Variants in ORAI2 observed in about 807,000 individuals in gnomAD.
The protein encoded by ORAI2 is protein orai-2.
ORAI2 carries 10 observed loss-of-function variants against 16.2 expected under a neutral mutation model. The ratio of observed to expected loss-of-function variants is 0.62; its 90% CI spans 0.38 to 1.04. The LOEUF (loss-of-function observed/expected upper bound fraction) is 1.04, where lower values mean the gene tolerates loss of function less well. ORAI2 is among the 50% of genes least tolerant of loss of function. The probability of loss-of-function intolerance (pLI) is 0.01; values close to 1 mark genes in which losing one functional copy is unlikely to be tolerated. For synonymous variants in ORAI2, 150 were observed against 157.5 expected (o/e 0.95, Z 0.35); for missense variants, 238 against 355.5 (o/e 0.67, Z 2.66).
Position 102,446,875 on chromosome 7 carries a change from C to T in ORAI2, c.588C>T (p.Ala196=), listed in dbSNP as rs1404917358. 10 of 1,613,506 alleles carry T rather than the reference C, an allele frequency of 6.2e-6. No homozygotes were observed. Among genetic ancestry groups the T allele is most frequent in the South Asian group, 2.2e-5 (2 of 91,076 alleles). ...CTGGGAGTCACACGGGCTGGCAGGC[C>T]GCCCTGGTGTCCACCATCATCATGG... The part of the protein sequence containing the change: ...PGPGSHTGWQ[A]ALVSTIIMVP... Residue 196 remains alanine (A), a synonymous_variant, in exon 4 of 4, where the codon GCC becomes GCT. Coordinates refer to ENST00000495936, the MANE Select transcript of ORAI2 (RefSeq NM_001126340.3).
Position 102,439,024 on chromosome 7 carries a change from G to A in ORAI2, c.68G>A (p.Gly23Asp), listed in dbSNP as rs145092754. The change falls in exon 3 of 4, where the codon GGC becomes GAC. Residue 23 changes from glycine (G) to aspartate (D), a missense_variant. Coordinates refer to ENST00000495936, the MANE Select transcript of ORAI2 (RefSeq NM_001126340.3). The part of the protein sequence containing the change: ...APACPEPGHK[G>D]MDYRDWVRRS... ...GCCTGCCCTGAGCCCGGCCATAAGG[G>A]CATGGATTACCGGGACTGGGTCCGC... 2 of 1,614,028 alleles carry A rather than the reference G, an allele frequency of 1.2e-6. No homozygotes were observed. The highest frequency in any genetic ancestry group is 1.7e-6 in the Non-Finnish European group (2 of 1,180,046).
At position 102,451,746 on chromosome 7, in the gene ORAI2, G is replaced by A. The variant is rs1233070946; in HGVS notation, c.*4694G>A. 2.0e-5 allele frequency: 3 copies of A among 152,286 alleles called. No homozygotes were observed. Among genetic ancestry groups the A allele is most frequent in the African/African-American group, 7.2e-5 (3 of 41,466 alleles). The allele number at this position is 152,286 out of a possible 1,614,324, so 9.4% of individuals were successfully genotyped here. On this transcript the variant is annotated 3_prime_UTR_variant, in exon 4 of 4. Transcript: ENST00000495936. ...CTCCTGGAGCGCCCTCTGGCCTCCTGTCGCTGGTCACTGGCCAGTGTCCTC... is the reference window on the plus strand; with the variant it reads ...CTCCTGGAGCGCCCTCTGGCCTCCTATCGCTGGTCACTGGCCAGTGTCCTC...
chr7:102,437,803 C>G (rs1797098343), intron 2 of ORAI2, among the ~76,000 whole-genome samples: 1 of 152,158 alleles, frequency 6.6e-6, no homozygotes, highest in South Asian at 2.1e-4. Context: ...GTAATCCCAG[C>G]ACTTTGGGAG....
chr7:102,436,543 T>C (rs1797062777), intron 2 of ORAI2, among the ~76,000 whole-genome samples: 1 of 152,008 alleles, frequency 6.6e-6, no homozygotes, highest in South Asian at 2.1e-4. Flanking sequence ...GTTTGGGGCA[T>C]TTCCTCAGCT....
rs1250900354 is a variant in ORAI2, at chr7:102,450,166, C to T, written c.*3114C>T. Reference sequence around the variant, plus strand: ...AAAATATGATTGTACCACTGCACTCCAGCCTGGGTGACAGAGTGAGACCCT... The same window carrying T: ...AAAATATGATTGTACCACTGCACTCTAGCCTGGGTGACAGAGTGAGACCCT... On this transcript the variant is annotated 3_prime_UTR_variant, in exon 4 of 4. Transcript: ENST00000495936. The T allele has an allele frequency of 6.6e-6, 1 of 151,540 alleles. No individual in the cohort carries two copies. Among genetic ancestry groups the T allele is most frequent in the African/African-American group, 2.4e-5 (1 of 41,214 alleles). 9.4% of individuals were successfully genotyped at this position (151,540 alleles called of 1,614,324 possible).
intron 3 of ORAI2, among the ~76,000 whole-genome samples, chr7:102,445,286 T>G (rs892387054): frequency 1.8e-4 from 24 of 136,094 alleles, no homozygotes; most frequent in African/African-American, 6.5e-4. Flanking sequence ...AAAGGTCAGT[T>G]TCCGTTTTTT....
intron 3 of ORAI2, among the ~76,000 whole-genome samples, chr7:102,443,172 C>T (rs559370341): frequency 2.4e-4 from 35 of 144,430 alleles, no homozygotes; most frequent in Non-Finnish European, 4.8e-4. Context: ...CGTTTTGTTG[C>T]CTGGGCTGGT....
In ORAI2 at chr7:102,452,125, C is replaced by T. The variant is rs1027565577; in HGVS notation, c.*5073C>T. The T allele has an allele frequency of 6.6e-6, 1 of 151,792 alleles. No homozygotes were observed. The highest frequency in any genetic ancestry group is 6.6e-5 in the Admixed American group (1 of 15,218). The allele number at this position is 151,792 out of a possible 1,614,324, so 9.4% of individuals were successfully genotyped here. On this transcript the variant is annotated 3_prime_UTR_variant, in exon 4 of 4. Transcript: ENST00000495936. ...CGGGCTGGTGGCACTGCTAAGGAAG[C>T]ACCAGACAGCCTTTTTTTTTTTTTT... is the stretch of plus-strand genomic sequence containing the variant.
At chr7:102,445,864 C>G (rs1236076132) in intron 3 of ORAI2, among the ~76,000 whole-genome samples, 1 of 151,408 alleles carries the variant, frequency 6.6e-6, no homozygotes, top group Non-Finnish European at 1.5e-5. Flanking sequence ...TTCCTTCTTT[C>G]TTTTTCTTTT....
rs1432503511 is a variant in ORAI2, at chr7:102,446,629, C to T, written c.342C>T (p.Ile114=). 6.2e-7 allele frequency: 1 copy of T among 1,613,980 alleles called. No individual in the cohort carries two copies. Among genetic ancestry groups the T allele is most frequent in the Non-Finnish European group, 8.5e-7 (1 of 1,180,046 alleles). The change falls in exon 4 of 4, where the codon ATC becomes ATT. Residue 114 remains isoleucine (I), a synonymous_variant. Transcript: ENST00000495936. ...CCGTGCACCTGTTCGCCCTCCTCAT[C>T]AGCACCTGCATCCTGCCCAATGTGG... is the stretch of plus-strand genomic sequence containing the variant. ...LVAVHLFALL[I]STCILPNVEA...
chr7:102,440,032 A>T (rs1797154204), intron 3 of ORAI2, among the ~76,000 whole-genome samples: 1 of 152,198 alleles, frequency 6.6e-6, no homozygotes, highest in South Asian at 2.1e-4. Context: ...GCAGTGAGCC[A>T]AGGTCACGCC....
chr7:102,441,502 GC>G lies in ORAI2; in HGVS notation c.225+2322del, dbSNP rs199931254. On this transcript the variant is annotated intron_variant, in intron 3 of 3. Transcript: ENST00000495936. Reference sequence around the variant, plus strand: ...TGCACTGAGCCGAGATTGCATCACTGCACTCCAGCCTGGGCCATAGAGCGAG... The same window carrying G: ...TGCACTGAGCCGAGATTGCATCACTGACTCCAGCCTGGGCCATAGAGCGAG... 6.3e-3 allele frequency among the ~76,000 whole-genome samples: 902 copies of G among 142,456 alleles called. 15 individuals carry two copies. The highest frequency in any genetic ancestry group is 0.022 in the African/African-American group (837 of 37,734). 93.5% of individuals were successfully genotyped at this position (142,456 alleles called of 152,430 possible).
At chr7:102,443,598 C>T (rs760639949) in intron 3 of ORAI2, among the ~76,000 whole-genome samples, 1 of 152,100 alleles carries the variant, frequency 6.6e-6, no homozygotes, top group Non-Finnish European at 1.5e-5. Context: ...AGAAAAACCA[C>T]CCCTCAGCCC....
chr7:102,434,979 C>G (rs116018260), intron 1 of ORAI2, among the ~76,000 whole-genome samples: 1 of 152,116 alleles, frequency 6.6e-6, no homozygotes, highest in African/African-American at 2.4e-5. Flanking sequence ...TTTTAAAATT[C>G]TTTTTAGAGG....
At chr7:102,443,212 G>T (rs1410859630) in intron 3 of ORAI2, among the ~76,000 whole-genome samples, 2 of 145,084 alleles carry the variant, frequency 1.4e-5, no homozygotes, top group African/African-American at 5.1e-5. Flanking sequence ...GTGATCTCCC[G>T]CCTCAGCTTC....
At position 102,446,649 on chromosome 7, in the gene ORAI2, A is replaced by G; in HGVS notation, c.362A>G (p.Asn121Ser). 2.5e-6 allele frequency: 4 copies of G among 1,614,098 alleles called. No individual in the cohort carries two copies. The highest frequency in any genetic ancestry group is 3.4e-6 in the Non-Finnish European group (4 of 1,180,024). Residue 121 changes from asparagine (N) to serine (S), a missense_variant, in exon 4 of 4, where the codon AAT becomes AGT. This residue lies in a region of ORAI2 where 176 missense variants were observed against 265.9 expected (regional missense o/e 0.66). Coordinates refer to ENST00000495936, the MANE Select transcript of ORAI2 (RefSeq NM_001126340.3). ...CTCATCAGCACCTGCATCCTGCCCA[A>G]TGTGGAGGCCGTGAGCAACATCCAC... ...ALLISTCILPNVEAVSNIHNL... is the reference protein window; with the variant it reads ...ALLISTCILPSVEAVSNIHNL...
intron 1 of ORAI2, among the ~76,000 whole-genome samples, chr7:102,434,102 C>G (rs1796996325): frequency 8.2e-6 from 1 of 121,590 alleles, no homozygotes; most frequent in African/African-American, 3.1e-5. Flanking sequence ...GACCTGTTTT[C>G]TCGGACTGCT....
chr7:102,445,076 A>C (rs1303329133), intron 3 of ORAI2, among the ~76,000 whole-genome samples: 6 of 152,238 alleles, frequency 3.9e-5, no homozygotes, highest in Non-Finnish European at 5.9e-5. Context: ...CTTCCTTAGC[A>C]GACCCAGCCA....
At chr7:102,445,243 G>A (rs1269783432) in intron 3 of ORAI2, among the ~76,000 whole-genome samples, 2 of 100,416 alleles carry the variant, frequency 2.0e-5, no homozygotes, top group African/African-American at 5.2e-5. Context: ...TCTGAGTCTG[G>A]GGACTCTCCG....
Sources: gnomAD v4.1 joint callset for allele counts (sites outside exome capture counted in the v4.1 genomes callset) on GRCh38, gnomAD v4.1.1 for gene constraint, gnomAD v4.1.1 regional missense constraint, MANE v1.5 for transcripts, NCBI Gene and HGNC (gene_info 2026-07-23, HGNC 2026-07-21) for gene names.